CENPT: variants seen among roughly 807,000 people sequenced by gnomAD.
CENPT encodes the protein interphase centromere complex protein 22.
A neutral mutation model predicts 59.7 loss-of-function variants in CENPT; 42 were observed. That is an observed-to-expected ratio of 0.70 (90% CI 0.55 to 0.91). The LOEUF is 0.91. Ranked by LOEUF, CENPT falls within the 40% of genes least tolerant of loss-of-function variation. CENPT has a pLI of 0.00. For synonymous variants in CENPT, 295 were observed against 289.6 expected (o/e 1.02, Z -0.19); for missense variants, 716 against 713.4 (o/e 1.00, Z -0.04).
rs549845838 is a variant in CENPT, at chr16:67,838,693, T to C, written c.-491-3035A>G. On this transcript the variant is annotated intron_variant, in intron 1 of 15. Coordinates refer to ENST00000562787, the MANE Select transcript of CENPT (RefSeq NM_025082.4). The stretch of plus-strand genomic sequence containing the variant: ...CTGTAATTCCAGCACTTTGGGAGGC[T>C]GAGGTGGGTGGATCATGAGGTCAGG... Among the ~76,000 whole-genome samples, 18 of 150,800 alleles carry C rather than the reference T, an allele frequency of 1.2e-4. No homozygotes were observed. In the East Asian group the frequency reaches 3.1e-3, roughly 26 times the overall value.
Position 67,830,391 on chromosome 16 carries a change from A to G in CENPT, c.861T>C (p.Asn287=), listed in dbSNP as rs2057674475. ...TQSSGPGLQK[N]SPGKPAQFLA... Reference sequence around the variant, plus strand: ...AGGCCACCAGTGCCACACACTCACTATTCTTCTGCAGCCCAGGCCCACTGC... The same window carrying G: ...AGGCCACCAGTGCCACACACTCACTGTTCTTCTGCAGCCCAGGCCCACTGC... The change falls in exon 11 of 16, where the codon AAT becomes AAC. Residue 287 remains asparagine (N), a splice_region_variant and synonymous_variant. Coordinates refer to ENST00000562787, the MANE Select transcript of CENPT (RefSeq NM_025082.4). 6.2e-7 allele frequency: 1 copy of G among 1,604,988 alleles called. No homozygotes were observed. The highest frequency in any genetic ancestry group is 1.8e-5 in the Admixed American group (1 of 56,858).
At position 67,831,236 on chromosome 16, in the gene CENPT, T is replaced by C. The variant is rs1355517709; in HGVS notation, c.683A>G (p.Asp228Gly). The part of the protein sequence containing the change: ...DVGAFLRDLR[D>G]TSLAPPNIVL... Reference sequence around the variant, plus strand: ...CTTACTTGGAGGAGCCAGGGAAGTATCTCGCAGATCCCGCAAAAAGGCACC... The same window carrying C: ...CTTACTTGGAGGAGCCAGGGAAGTACCTCGCAGATCCCGCAAAAAGGCACC... Residue 228 changes from aspartate to glycine, a missense_variant, in exon 10 of 16, where the codon GAT becomes GGT. Coordinates refer to ENST00000562787, the MANE Select transcript of CENPT (RefSeq NM_025082.4). 1.9e-6 allele frequency: 3 copies of C among 1,613,690 alleles called. No homozygotes were observed. Among genetic ancestry groups the C allele is most frequent in the Non-Finnish European group, 2.5e-6 (3 of 1,179,992 alleles).
At chr16:67,833,050 A>G (rs2057708867) in intron 4 of CENPT, among the ~76,000 whole-genome samples, 1 of 152,194 alleles carries the variant, frequency 6.6e-6, no homozygotes, top group Non-Finnish European at 1.5e-5. Context: ...AAAACCTATA[A>G]TGAATGGCTT....
chr16:67,846,945 G>A (rs929288235), intron 1 of CENPT: 1 of 152,468 alleles, frequency 6.6e-6, no homozygotes, highest in South Asian at 2.1e-4. Flanking sequence ...AGACCGCGCT[G>A]GGTTGCCGCT....
chr16:67,832,557 C>T lies in CENPT; in HGVS notation c.111-12G>A, dbSNP rs750099063. On this transcript the variant is annotated splice_polypyrimidine_tract_variant and intron_variant, in intron 4 of 15. Coordinates refer to ENST00000562787, the MANE Select transcript of CENPT (RefSeq NM_025082.4). ...GGGCTCTCCGGGCTCTGTGTAAAGA[C>T]CAGCAATTATGCCGAGAATTACGGT... 1 of 1,609,712 alleles carries T rather than the reference C, an allele frequency of 6.2e-7. No homozygotes were observed. The highest frequency in any genetic ancestry group is 1.1e-5 in the South Asian group (1 of 90,958).
rs778386288 is a variant in CENPT at position 67,831,796 on chromosome 16, C to CT, written c.480dup (p.Val161SerfsTer21). On this transcript the variant is annotated frameshift_variant, in exon 8 of 16. Transcript: ENST00000562787. LOFTEE classifies it high-confidence loss of function. ...CCCTGGTCCACTCCCTGCTGAAACA[C>CT]TGACAGTCTCAGCCTCTGTTTCCTC... is the stretch of plus-strand genomic sequence containing the variant. The CT allele has an allele frequency of 2.4e-5, 39 of 1,594,070 alleles. No homozygotes were observed. Among genetic ancestry groups the CT allele is most frequent in the Non-Finnish European group, 3.2e-5 (37 of 1,171,286 alleles).
At chr16:67,831,702 T>C in intron 8 of CENPT, 52 bp downstream of exon 8, 1 of 1,598,062 alleles carries the variant, frequency 6.3e-7, no homozygotes, top group Non-Finnish European at 8.5e-7. Context: ...CTCCTCAGCC[T>C]CTCCAGAGGA....
In CENPT at chr16:67,843,051, G is replaced by C; in HGVS notation, c.-492+4350C>G. ...CTCACCCTTCAGGCCACTGTAGACA[G>C]CAGTCAGGCTCCGGGATCCGTACAG... On this transcript the variant is annotated intron_variant, in intron 1 of 15. Coordinates refer to ENST00000562787, the MANE Select transcript of CENPT (RefSeq NM_025082.4). This position sits in a 1 kb window ranked among gnomAD's most constrained non-coding sequence, Gnocchi z 5.7. 6.2e-7 allele frequency: 1 copy of C among 1,612,222 alleles called. No homozygotes were observed. The highest frequency in any genetic ancestry group is 8.5e-7 in the Non-Finnish European group (1 of 1,180,024).
intron 1 of CENPT, among the ~76,000 whole-genome samples, chr16:67,845,423 G>A (rs2057790832): frequency 6.6e-6 from 1 of 152,164 alleles, no homozygotes; most frequent in South Asian, 2.1e-4. Flanking sequence ...TGTGTAGGTG[G>A]CTGGTTGGGG....
chr16:67,828,489 T>C lies in CENPT; in HGVS notation c.1547A>G (p.Glu516Gly). ...GCCTTCTCACCGCCGCATCAGCAGC[T>C]CCAGGTCCTCTGGCTTCACAGTCTT... Reference protein sequence around the residue: ...GRKTVKPEDLELLMRRQGLVT... With the variant: ...GRKTVKPEDLGLLMRRQGLVT... Residue 516 changes from glutamate (E) to glycine (G), a missense_variant, in exon 15 of 16, where the codon GAG (glutamate) becomes GGG (glycine). Physicochemically the swap from Glu to Gly is moderately conservative, Grantham distance 98. Transcript: ENST00000562787. The C allele has an allele frequency of 6.2e-7, 1 of 1,614,172 alleles. No homozygotes were observed. The highest frequency in any genetic ancestry group is 8.5e-7 in the Non-Finnish European group (1 of 1,180,038).
rs762984802 is a variant in CENPT, at chr16:67,843,212, G to A, written c.-492+4189C>T. 19 of 1,611,722 alleles carry A rather than the reference G, an allele frequency of 1.2e-5. No individual in the cohort carries two copies. Among genetic ancestry groups the A allele is most frequent in the South Asian group, 8.8e-5 (8 of 91,076 alleles). On this transcript the variant is annotated intron_variant, in intron 1 of 15. Coordinates refer to ENST00000562787, the MANE Select transcript of CENPT (RefSeq NM_025082.4). The surrounding 1 kb of genome is among the most constrained non-coding windows in gnomAD (Gnocchi z 5.7). ...ACAGGCTGCTACCGCAGGGCTGGAGGCTGCCGAGTGCCCTATGGGCCCCCA... is the reference window on the plus strand; with the variant it reads ...ACAGGCTGCTACCGCAGGGCTGGAGACTGCCGAGTGCCCTATGGGCCCCCA...
rs746992603 is a variant in CENPT, at chr16:67,829,419, T to C, written c.1280+4A>G. ...CCATGAGGAATGGGGTTGTGGGATCTTACACTGCAGCACCAGGCGCTGGGG... is the reference window on the plus strand; with the variant it reads ...CCATGAGGAATGGGGTTGTGGGATCCTACACTGCAGCACCAGGCGCTGGGG... On this transcript the variant is annotated splice_donor_region_variant and intron_variant, in intron 13 of 15. Coordinates refer to ENST00000562787, the MANE Select transcript of CENPT (RefSeq NM_025082.4). 1.9e-5 allele frequency: 30 copies of C among 1,588,524 alleles called. 1 individual carries two copies. In the East Asian group the frequency reaches 6.7e-4, roughly 36 times the overall value.
At chr16:67,839,733 T>G (rs8053322) in intron 1 of CENPT, among the ~76,000 whole-genome samples, 8,079 of 151,018 alleles carry the variant, frequency 0.053, 658 homozygotes, top group African/African-American at 0.18. Flanking sequence ...AATTAGCTGG[T>G]TGTGGTGCCT....
intron 1 of CENPT, among the ~76,000 whole-genome samples, chr16:67,844,509 C>A (rs1234760671): frequency 1.3e-5 from 2 of 152,226 alleles, no homozygotes; most frequent in Non-Finnish European, 2.9e-5. Context: ...GATAGTTCGC[C>A]TCTGAGGGTT....
intron 1 of CENPT, among the ~76,000 whole-genome samples, chr16:67,841,041 A>ATATATATATG (rs1301496709): frequency 2.2e-5 from 2 of 90,724 alleles, no homozygotes; most frequent in African/African-American, 8.1e-5. Context: ...ATATATATAT[A>ATATATATATG]TATATTAGCC....
In CENPT at chr16:67,833,732, G is replaced by T; in HGVS notation, c.110+18C>A. On this transcript the variant is annotated intron_variant, in intron 4 of 15. Coordinates refer to ENST00000562787, the MANE Select transcript of CENPT (RefSeq NM_025082.4). ...GTCCCTCTAGTTGCTCAAGTACTCGGGGAGCCCCCTCACATACCCAGCCCG... is the reference window on the plus strand; with the variant it reads ...GTCCCTCTAGTTGCTCAAGTACTCGTGGAGCCCCCTCACATACCCAGCCCG... 6.8e-7 allele frequency: 1 copy of T among 1,465,300 alleles called. No individual in the cohort carries two copies. Among genetic ancestry groups the T allele is most frequent in the South Asian group, 1.3e-5 (1 of 75,792 alleles). The allele number at this position is 1,465,300 out of a possible 1,614,324, so 90.8% of individuals were successfully genotyped here. A position where few individuals can be genotyped will look rare whatever the true frequency, so the allele number is the denominator to read the frequency against.
chr16:67,840,420 G>A (rs959025304), intron 1 of CENPT, among the ~76,000 whole-genome samples: 3 of 152,212 alleles, frequency 2.0e-5, no homozygotes, highest in Non-Finnish European at 4.4e-5. Flanking sequence ...ATTGGGAGGT[G>A]ACCACGATCA....
Position 67,833,875 on chromosome 16 carries a change from C to G in CENPT, c.-16G>C. On this transcript the variant is annotated 5_prime_UTR_variant, in exon 4 of 16. Transcript: ENST00000562787. ...GGTCAGCCATCGTCTCGGCCCCGGG[C>G]CCTCCTAACCGCCCAGCCAGCTGCA... 6.8e-7 allele frequency: 1 copy of G among 1,469,432 alleles called. No individual in the cohort carries two copies. The highest frequency in any genetic ancestry group is 9.0e-7 in the Non-Finnish European group (1 of 1,110,726). The allele number at this position is 1,469,432 out of a possible 1,614,324, so 91.0% of individuals were successfully genotyped here. A position where few individuals can be genotyped will look rare whatever the true frequency, so the allele number is the denominator to read the frequency against.
rs376091476 is a variant in CENPT at position 67,843,545 on chromosome 16, A to G, written c.-492+3856T>C. On this transcript the variant is annotated intron_variant, in intron 1 of 15. Coordinates refer to ENST00000562787, the MANE Select transcript of CENPT (RefSeq NM_025082.4). The surrounding 1 kb of genome is among the most constrained non-coding windows in gnomAD (Gnocchi z 5.7). ...CTGGACTCCCAGACCCCATCCAGCCAGGGGACCGCAGGCCATTGTTGAACT... is the reference window on the plus strand; with the variant it reads ...CTGGACTCCCAGACCCCATCCAGCCGGGGGACCGCAGGCCATTGTTGAACT... The G allele has an allele frequency of 3.2e-4, 501 of 1,562,068 alleles. No individual in the cohort carries two copies. Among genetic ancestry groups the G allele is most frequent in the Non-Finnish European group, 4.1e-4 (470 of 1,152,366 alleles).
Sources: gnomAD v4.1 joint callset for allele counts (sites outside exome capture counted in the v4.1 genomes callset) on GRCh38, gnomAD v4.1.1 for gene constraint, Gnocchi (gnomAD v3.1) non-coding constraint, MANE v1.5 for transcripts, NCBI Gene and HGNC (gene_info 2026-07-23, HGNC 2026-07-21) for gene names.